Variants in BRSK2 observed in about 807,000 individuals in gnomAD.
BRSK2 encodes the protein BR serine/threonine kinase 2.
In BRSK2, 19 loss-of-function variants were observed where a neutral mutation model predicts 83.3. The observed-to-expected ratio is 0.23, with a 90% CI of 0.16 to 0.33. The LOEUF (loss-of-function observed/expected upper bound fraction) is 0.33, where lower values mean the gene tolerates loss of function less well. BRSK2 is among the 10% of genes least tolerant of loss of function. BRSK2 has a pLI of 1.00. For missense variants in BRSK2, 798 were observed against 1,042.3 expected, an observed-to-expected ratio of 0.77 and a Z score of 3.23; for synonymous variants, 519 against 435.4, an observed-to-expected ratio of 1.19 and a Z score of -2.39.
Position 1,390,400 on chromosome 11 carries a change from G to T in BRSK2, c.91+25G>T. On this transcript the variant is annotated intron_variant, in intron 1 of 19. Transcript: ENST00000528841. The surrounding 1 kb of genome is among the most constrained non-coding windows in gnomAD (Gnocchi z 6.8). ...GGTGCGTGCGGCCGGGGCGGGGACC[G>T]GGGCCGGGGAGGCCGCGCTGGCAGC... 9.9e-7 allele frequency: 1 copy of T among 1,008,068 alleles called. No homozygotes were observed. The highest frequency in any genetic ancestry group is 1.2e-6 in the Non-Finnish European group (1 of 837,808). 62.4% of individuals were successfully genotyped at this position (1,008,068 alleles called of 1,614,324 possible).
chr11:1,423,343 T>C lies in BRSK2; in HGVS notation c.92-12697T>C, dbSNP rs1019464277. ...GTTCGAGACCTCGTAAATACTTCAG[T>C]GCAGAGCCTTCAGTTAGGAGCCGAG... On this transcript the variant is annotated intron_variant, in intron 1 of 19. Coordinates refer to ENST00000528841, the MANE Select transcript of BRSK2 (RefSeq NM_001256627.2). This position sits in a 1 kb window ranked among gnomAD's most constrained non-coding sequence, Gnocchi z 6.5. 6.6e-5 allele frequency among the ~76,000 whole-genome samples: 10 copies of C among 152,130 alleles called. No homozygotes were observed. Among genetic ancestry groups the C allele is most frequent in the Non-Finnish European group, 1.3e-4 (9 of 68,006 alleles).
intron 1 of BRSK2, among the ~76,000 whole-genome samples, chr11:1,429,168 G>A (rs1255433933): frequency 6.7e-6 from 1 of 149,600 alleles, no homozygotes; most frequent in Non-Finnish European, 1.5e-5. Context: ...GTGCACGGGT[G>A]TGTGTCCTGG....
intron 1 of BRSK2, among the ~76,000 whole-genome samples, chr11:1,426,768 G>A (rs1433394071): frequency 6.6e-6 from 1 of 152,146 alleles, no homozygotes; most frequent in Non-Finnish European, 1.5e-5. Flanking sequence ...AGAGGACCTG[G>A]GGGTGCAGAC....
At chr11:1,416,918 T>A (rs1486589630) in intron 1 of BRSK2, among the ~76,000 whole-genome samples, 5 of 152,062 alleles carry the variant, frequency 3.3e-5, no homozygotes, top group African/African-American at 1.2e-4. Context: ...CCCAACACTT[T>A]GGGAGGTCAA....
chr11:1,461,455 T>C lies in BRSK2; in HGVS notation c.*732T>C. 4.6e-6 allele frequency: 1 copy of C among 218,414 alleles called. No individual in the cohort carries two copies. Among genetic ancestry groups the C allele is most frequent in the Non-Finnish European group, 9.0e-6 (1 of 110,860 alleles). The allele number at this position is 218,414 out of a possible 1,614,324, so 13.5% of individuals were successfully genotyped here. A position where few individuals can be genotyped will look rare whatever the true frequency, so the allele number is the denominator to read the frequency against. On this transcript the variant is annotated 3_prime_UTR_variant, in exon 20 of 20. Transcript: ENST00000528841. ...CTGGGGCGGCTGTGGGCTCTGGCGC[T>C]CCTCTCTGGCTGAGGTGGAAACAGA...
At chr11:1,410,551 C>A (rs1022649642) in intron 1 of BRSK2, 1 of 985,354 alleles carries the variant, frequency 1.0e-6, no homozygotes, top group Non-Finnish European at 1.2e-6. Context: ...CACGAGACGC[C>A]GCTTTTGATG....
chr11:1,393,275 C>T (rs1000030983), intron 1 of BRSK2, among the ~76,000 whole-genome samples: 17 of 152,094 alleles, frequency 1.1e-4, no homozygotes, highest in Non-Finnish European at 2.4e-4. Context: ...CCCATCAGTA[C>T]GTGGAGCAGG....
intron 1 of BRSK2, among the ~76,000 whole-genome samples, chr11:1,433,486 T>C (rs1215721203): frequency 6.6e-6 from 1 of 152,176 alleles, no homozygotes; most frequent in Admixed American, 6.5e-5. Flanking sequence ...GTCCTGAGGG[T>C]TTTTAGGGGC....
rs952972383 is a variant in BRSK2, at chr11:1,454,805, G to A, written c.1668+197G>A. ...CCACCCTCGTGAGGGAGGGGTCACT[G>A]CCCATCTGGGGTGCTTGGCCTGCGG... On this transcript the variant is annotated intron_variant, in intron 16 of 19. Coordinates refer to ENST00000528841, the MANE Select transcript of BRSK2 (RefSeq NM_001256627.2). The surrounding 1 kb of genome is among the most constrained non-coding windows in gnomAD (Gnocchi z 5.2). Among the ~76,000 whole-genome samples, 4 of 152,224 alleles carry A rather than the reference G, an allele frequency of 2.6e-5. No individual in the cohort carries two copies. The highest frequency in any genetic ancestry group is 4.4e-5 in the Non-Finnish European group (3 of 68,020).
intron 15 of BRSK2, among the ~76,000 whole-genome samples, chr11:1,452,427 C>T (rs979061174): frequency 6.6e-6 from 1 of 152,240 alleles, no homozygotes; most frequent in Non-Finnish European, 1.5e-5. Flanking sequence ...GTTTCTGCTG[C>T]TACCAAAAGC....
intron 9 of BRSK2, 65 bp from the exon 10 acceptor site, chr11:1,445,229 C>T: frequency 1.9e-6 from 3 of 1,540,308 alleles, no homozygotes; most frequent in East Asian, 2.3e-5. Flanking sequence ...GGCGGGCGTC[C>T]CACCCTCGCA....
Position 1,446,948 on chromosome 11 carries a change from G to C in BRSK2, c.1226+1041G>C, listed in dbSNP as rs114751768. Among the ~76,000 whole-genome samples, 1,391 of 152,260 alleles carry C rather than the reference G, an allele frequency of 9.1e-3. 14 individuals carry two copies. The highest frequency in any genetic ancestry group is 0.023 in the African/African-American group (945 of 41,536). On this transcript the variant is annotated intron_variant, in intron 12 of 19. Transcript: ENST00000528841. ...GTTCCTCGGGAACTTGGGGGAAGCT[G>C]TGGGGAACTGCAAGGTAGCTTGGCA...
intron 1 of BRSK2, among the ~76,000 whole-genome samples, chr11:1,413,260 G>T (rs1847744873): frequency 6.6e-6 from 1 of 152,090 alleles, no homozygotes; most frequent in Non-Finnish European, 1.5e-5. Flanking sequence ...GGTGTGGTGT[G>T]CCCTGACCCC....
intron 1 of BRSK2, among the ~76,000 whole-genome samples, chr11:1,396,311 C>CTCCTCGTCTCTCTTCCCTT (rs1377694381): frequency 6.6e-6 from 1 of 152,062 alleles, no homozygotes; most frequent in African/African-American, 2.4e-5. Context: ...CTTACAGCCG[C>CTCCTCGTCTCTCTTCCCTT]CTCGAGGACT....
chr11:1,443,342 A>G lies in BRSK2; in HGVS notation c.572A>G (p.Lys191Arg), dbSNP rs2133095435. 1 of 1,607,850 alleles carries G rather than the reference A, an allele frequency of 6.2e-7. No individual in the cohort carries two copies. Among genetic ancestry groups the G allele is most frequent in the East Asian group, 2.2e-5 (1 of 44,688 alleles). Reference sequence around the variant, plus strand: ...GGGCACTGCTGTCCACAGGGGGAGAAGTATGACGGCCGGAAGGCGGACGTG... The same window carrying G: ...GGGCACTGCTGTCCACAGGGGGAGAGGTATGACGGCCGGAAGGCGGACGTG... The part of the protein sequence containing the change: ...YACPEVIRGE[K>R]YDGRKADVWS... Residue 191 changes from lysine (K) to arginine (R), a missense_variant, in exon 7 of 20, where the codon AAG (lysine) becomes AGG (arginine). Physicochemically the swap from Lys to Arg is conservative, Grantham distance 26. Coordinates refer to ENST00000528841, the MANE Select transcript of BRSK2 (RefSeq NM_001256627.2).
At position 1,456,575 on chromosome 11, in the gene BRSK2, G is replaced by T. The variant is rs2272425; in HGVS notation, c.1850-23G>T. On this transcript the variant is annotated intron_variant, in intron 17 of 19. Transcript: ENST00000528841. ...GGCTCCGGGCCCAGGCCCGTCCAGG[G>T]CATAACCCCCTGTCTCCCCTAGGCC... The T allele has an allele frequency of 1.0e-3, 1,672 of 1,608,202 alleles. 40 individuals are homozygous for T. The East Asian group carries it at 0.037, about 35-fold the overall frequency.
chr11:1,397,305 G>A (rs1341525838), intron 1 of BRSK2, among the ~76,000 whole-genome samples: 1 of 152,166 alleles, frequency 6.6e-6, no homozygotes, highest in Non-Finnish European at 1.5e-5. Context: ...AGAGGCTGCA[G>A]GGACAAAGCA....
In BRSK2 at chr11:1,396,637, G is replaced by A. The variant is rs1846142092; in HGVS notation, c.91+6262G>A. On this transcript the variant is annotated intron_variant, in intron 1 of 19. Coordinates refer to ENST00000528841, the MANE Select transcript of BRSK2 (RefSeq NM_001256627.2). ...CCTTTGCCATCACCTGGTGGCGCTTGCTTGAGGGCTTCTGTGCCTTCCAGT... is the reference window on the plus strand; with the variant it reads ...CCTTTGCCATCACCTGGTGGCGCTTACTTGAGGGCTTCTGTGCCTTCCAGT... Among the ~76,000 whole-genome samples the A allele has an allele frequency of 2.6e-5, 4 of 152,246 alleles. No individual in the cohort carries two copies. The South Asian group carries it at 8.3e-4, about 31-fold the overall frequency.
intron 12 of BRSK2, chr11:1,447,703 G>A (rs1564862564): frequency 8.7e-7 from 1 of 1,149,576 alleles, no homozygotes; most frequent in Non-Finnish European, 1.3e-6. Context: ...AGAGCCACGT[G>A]GAGTTCTTAC....
Sources: allele counts gnomAD v4.1 joint callset (sites outside exome capture counted in the v4.1 genomes callset), GRCh38; gene constraint gnomAD v4.1.1; non-coding constraint Gnocchi (gnomAD v3.1); transcripts MANE v1.5; gene names NCBI Gene and HGNC (gene_info 2026-07-23, HGNC 2026-07-21).